SNX1: variants seen among roughly 807,000 people sequenced by gnomAD.
SNX1 encodes sorting nexin-1.
A neutral mutation model predicts 71.8 loss-of-function variants in SNX1; 36 were observed. The ratio of observed to expected loss-of-function variants is 0.50; its 90% CI spans 0.38 to 0.66. The LOEUF (loss-of-function observed/expected upper bound fraction) is 0.66. Among genes scored for constraint, SNX1 ranks in the 30% least tolerant of loss-of-function variants. The pLI, the probability that SNX1 is intolerant of heterozygous loss-of-function variation, is 0.00. For synonymous variants in SNX1, 254 were observed against 240.7 expected, an observed-to-expected ratio of 1.06 and a Z score of -0.51; for missense variants, 612 against 646.7, an observed-to-expected ratio of 0.95 and a Z score of 0.58.
In SNX1 at chr15:64,138,305, G is replaced by A; in HGVS notation, c.*687G>A. 1 of 1,055,110 alleles carries A rather than the reference G, an allele frequency of 9.5e-7. No individual in the cohort carries two copies. The highest frequency in any genetic ancestry group is 1.3e-6 in the Non-Finnish European group (1 of 779,038). 65.4% of individuals were successfully genotyped at this position (1,055,110 alleles called of 1,614,324 possible). A position where few individuals can be genotyped will look rare whatever the true frequency, so the allele number is the denominator to read the frequency against. ...TTAAAACCTATTCTCCTGCAAAGGA[G>A]GCAGAGACTTTCTCTCTCTCTTTTT... On this transcript the variant is annotated 3_prime_UTR_variant, in exon 15 of 15. Transcript: ENST00000559844.
At chr15:64,103,869 C>A (rs915647480) in intron 1 of SNX1, among the ~76,000 whole-genome samples, 1 of 152,142 alleles carries the variant, frequency 6.6e-6, no homozygotes, top group Non-Finnish European at 1.5e-5. Flanking sequence ...TATCTTTAAA[C>A]AAAGGTGTAT....
chr15:64,106,218 T>G (rs1243243883), intron 1 of SNX1, among the ~76,000 whole-genome samples: 3 of 152,180 alleles, frequency 2.0e-5, no homozygotes, highest in African/African-American at 4.8e-5. Context: ...CAGTTCAAGG[T>G]TAATGAAAAT....
chr15:64,119,221 C>G (rs537766219), intron 4 of SNX1, among the ~76,000 whole-genome samples: 6 of 152,102 alleles, frequency 3.9e-5, no homozygotes, highest in Non-Finnish European at 5.9e-5. Flanking sequence ...TGGACTCAAG[C>G]AGTCCTCCCG....
intron 4 of SNX1, among the ~76,000 whole-genome samples, chr15:64,120,139 A>C (rs894758177): frequency 1.3e-5 from 2 of 152,326 alleles, no homozygotes; most frequent in Admixed American, 1.3e-4. Context: ...GGAAGAGGCT[A>C]TACAGAACCT....
rs1036086549 is a variant in SNX1, at chr15:64,134,120, C to G, written c.1222-544C>G. ...AAGGCTGGGTCCTTAGGGTGGACTTCCCTGACATATTTCCCAGGCTAAGCT... is the reference window on the plus strand; with the variant it reads ...AAGGCTGGGTCCTTAGGGTGGACTTGCCTGACATATTTCCCAGGCTAAGCT... On this transcript the variant is annotated intron_variant, in intron 11 of 14. Coordinates refer to ENST00000559844, the MANE Select transcript of SNX1 (RefSeq NM_003099.5). The surrounding 1 kb of genome is among the most constrained non-coding windows in gnomAD (Gnocchi z 4.1). The G allele has an allele frequency of 1.3e-5, 2 of 152,304 alleles. No individual in the cohort carries two copies. Among genetic ancestry groups the G allele is most frequent in the African/African-American group, 4.8e-5 (2 of 41,450 alleles). The allele number at this position is 152,304 out of a possible 1,614,324, so 9.4% of individuals were successfully genotyped here.
chr15:64,122,648 C>G (rs1451022862), intron 4 of SNX1, among the ~76,000 whole-genome samples: 1 of 152,048 alleles, frequency 6.6e-6, no homozygotes, highest in Non-Finnish European at 1.5e-5. Flanking sequence ...CCTAGGTTTT[C>G]CGGTTTGATG....
chr15:64,132,648 C>A (rs2081318873), intron 11 of SNX1, among the ~76,000 whole-genome samples: 1 of 152,210 alleles, frequency 6.6e-6, no homozygotes, highest in Non-Finnish European at 1.5e-5. Context: ...GGGCCTAAGT[C>A]TGTCCTTGAT....
chr15:64,143,950 T>C lies in SNX1; in HGVS notation c.*6332T>C, dbSNP rs1388613381. 6.6e-6 allele frequency: 1 copy of C among 152,228 alleles called. No individual in the cohort carries two copies. The highest frequency in any genetic ancestry group is 1.5e-5 in the Non-Finnish European group (1 of 68,052). The allele number at this position is 152,228 out of a possible 1,614,324, so 9.4% of individuals were successfully genotyped here. Reference sequence around the variant, plus strand: ...TATGGTACAGTTACACCGTTGAATATTTTACAGCCATTGAAGATGATATAT... The same window carrying C: ...TATGGTACAGTTACACCGTTGAATACTTTACAGCCATTGAAGATGATATAT... On this transcript the variant is annotated 3_prime_UTR_variant, in exon 15 of 15. Coordinates refer to ENST00000559844, the MANE Select transcript of SNX1 (RefSeq NM_003099.5).
chr15:64,136,753 G>T, intron 13 of SNX1, 108 bp from the exon 14 acceptor site: 1 of 783,906 alleles, frequency 1.3e-6, no homozygotes, highest in South Asian at 1.7e-5. Context: ...TCCACCTGCT[G>T]CCTCTACTTT....
rs2081408630 is a variant in SNX1 at position 64,141,019 on chromosome 15, A to AGATAGATAGATAGATAGAT, written c.*3408_*3409insAGATAGATAGATGATAGAT. On this transcript the variant is annotated 3_prime_UTR_variant, in exon 15 of 15. Transcript: ENST00000559844. This position sits in a 1 kb window ranked among gnomAD's most constrained non-coding sequence, Gnocchi z 5.1. ...TAGATAGATAGATAGATAGATAGAT[A>AGATAGATAGATAGATAGAT]GATAGATGATAGATATAGATAGATA... 1 of 150,782 alleles carries AGATAGATAGATAGATAGAT rather than the reference A, an allele frequency of 6.6e-6. No individual in the cohort carries two copies. The highest frequency in any genetic ancestry group is 1.5e-5 in the Non-Finnish European group (1 of 68,028). 9.3% of individuals were successfully genotyped at this position (150,782 alleles called of 1,614,324 possible).
At chr15:64,130,081 A>C in intron 9 of SNX1, 52 bp downstream of exon 9, 1 of 1,487,878 alleles carries the variant, frequency 6.7e-7, no homozygotes, top group Admixed American at 1.7e-5. Context: ...CTTATGGGTC[A>C]GAACCCCTAA....
intron 2 of SNX1, among the ~76,000 whole-genome samples, chr15:64,113,299 A>G (rs2081096282): frequency 6.6e-6 from 1 of 152,144 alleles, no homozygotes; most frequent in Non-Finnish European, 1.5e-5. Context: ...TTCTTTGTTG[A>G]GGGGTGCTGC....
At chr15:64,132,436 C>T (rs61364687) in intron 11 of SNX1, 11,330 of 158,640 alleles carry the variant, frequency 0.071, 1,317 homozygotes, top group African/African-American at 0.25. Flanking sequence ...CCTTCCTGTG[C>T]TGTGTCACCC....
chr15:64,137,753 C>A lies in SNX1; in HGVS notation c.*135C>A. ...CCTTCCTCCCTGTCCCCACGACCAA[C>A]TGTCCCCAGTTACTCTAACCGTTAT... On this transcript the variant is annotated 3_prime_UTR_variant, in exon 15 of 15. Coordinates refer to ENST00000559844, the MANE Select transcript of SNX1 (RefSeq NM_003099.5). 6.7e-7 allele frequency: 1 copy of A among 1,501,350 alleles called. No homozygotes were observed. Among genetic ancestry groups the A allele is most frequent in the Non-Finnish European group, 8.9e-7 (1 of 1,120,668 alleles). 93.0% of individuals were successfully genotyped at this position (1,501,350 alleles called of 1,614,324 possible). A position where few individuals can be genotyped will look rare whatever the true frequency, so the allele number is the denominator to read the frequency against.
At chr15:64,119,687 G>C (rs1298995420) in intron 4 of SNX1, among the ~76,000 whole-genome samples, 2 of 149,286 alleles carry the variant, frequency 1.3e-5, no homozygotes, top group African/African-American at 4.9e-5. Flanking sequence ...TCATGCCACT[G>C]CCCTCCATCC....
At chr15:64,108,404 GTTA>G (rs932930611) in intron 1 of SNX1, among the ~76,000 whole-genome samples, 12 of 152,198 alleles carry the variant, frequency 7.9e-5, no homozygotes, top group Middle Eastern at 3.4e-3. Flanking sequence ...TATGAAGTGT[GTTA>G]TAATGTCCAG....
intron 4 of SNX1, among the ~76,000 whole-genome samples, chr15:64,121,486 T>C (rs999394788): frequency 2.2e-4 from 33 of 152,232 alleles, no homozygotes; most frequent in Admixed American, 3.9e-4. Context: ...TGCATGTCTA[T>C]CTCTGTGTGC....
intron 9 of SNX1, 44 bp from the exon 10 acceptor site, chr15:64,130,184 C>A: frequency 1.9e-6 from 3 of 1,549,550 alleles, no homozygotes; most frequent in Non-Finnish European, 2.7e-6. Context: ...TGTACTGCAC[C>A]CATAAAAGTA....
rs141360487 is a variant in SNX1 at position 64,136,417 on chromosome 15, T to G, written c.1446+7T>G. ...AGAAGTGATACGGTTTGAGGTGAGA[T>G]AGAAAATCCTACTTCTCACTTAGCA... On this transcript the variant is annotated splice_region_variant and intron_variant, in intron 13 of 14. Coordinates refer to ENST00000559844, the MANE Select transcript of SNX1 (RefSeq NM_003099.5). The G allele has an allele frequency of 1.2e-6, 2 of 1,609,664 alleles. No homozygotes were observed. Among genetic ancestry groups the G allele is most frequent in the African/African-American group, 1.3e-5 (1 of 74,802 alleles).
Sources: gnomAD v4.1 joint callset for allele counts (sites outside exome capture counted in the v4.1 genomes callset) on GRCh38, gnomAD v4.1.1 for gene constraint, Gnocchi (gnomAD v3.1) non-coding constraint, MANE v1.5 for transcripts, NCBI Gene and HGNC (gene_info 2026-07-23, HGNC 2026-07-21) for gene names.